CCNYL1: variants seen among roughly 807,000 people sequenced by gnomAD.
The protein encoded by CCNYL1 is cyclin-Y-like protein 1.
Under a neutral mutation model 44.2 loss-of-function variants are expected in CCNYL1, and 16 were observed. The observed-to-expected ratio is 0.36, with a 90% CI of 0.25 to 0.55. The LOEUF is 0.55. CCNYL1 is among the 20% of genes least tolerant of loss of function. The probability of loss-of-function intolerance (pLI) is 0.85; values close to 1 mark genes in which losing one functional copy is unlikely to be tolerated. For synonymous variants in CCNYL1, 159 were observed against 163.2 expected (o/e 0.97, Z 0.20); for missense variants, 348 against 451.8 (o/e 0.77, Z 2.08).
chr2:207,733,442 G>GAAGCCTCTGACT (rs2091743882), intron 3 of CCNYL1, among the ~76,000 whole-genome samples: 2 of 152,156 alleles, frequency 1.3e-5, no homozygotes, highest in South Asian at 4.1e-4. Flanking sequence ...CCTGGCAGAC[G>GAAGCCTCTGACT]AAGCCTCTGA....
chr2:207,736,005 G>A (rs1283326411), intron 4 of CCNYL1, among the ~76,000 whole-genome samples: 1 of 152,228 alleles, frequency 6.6e-6, no homozygotes, highest in African/African-American at 2.4e-5. Flanking sequence ...ATTGCAGTGT[G>A]CAGAAAGTTT....
chr2:207,733,893 CTT>C (rs999627849), intron 3 of CCNYL1, 52 bp from the exon 4 acceptor site: 1 of 1,171,496 alleles, frequency 8.5e-7, no homozygotes, highest in African/African-American at 1.5e-5. Flanking sequence ...AAAAACCACA[CTT>C]TTATAGGTTT....
At chr2:207,716,881 G>A (rs191894518) in intron 1 of CCNYL1, among the ~76,000 whole-genome samples, 2 of 152,074 alleles carry the variant, frequency 1.3e-5, no homozygotes, top group Non-Finnish European at 2.9e-5. Flanking sequence ...AGGCCGAGGC[G>A]GGTGGATCAC....
chr2:207,739,507 G>A (rs529543899), intron 5 of CCNYL1, among the ~76,000 whole-genome samples: 3 of 152,296 alleles, frequency 2.0e-5, no homozygotes, highest in Admixed American at 2.0e-4. Flanking sequence ...TGGGATTATA[G>A]GCATGAGCCA....
intron 7 of CCNYL1, among the ~76,000 whole-genome samples, chr2:207,745,577 A>G (rs1448619872): frequency 6.6e-6 from 1 of 152,258 alleles, no homozygotes; most frequent in African/African-American, 2.4e-5. Flanking sequence ...TTGAAAACAC[A>G]GTCCAGTTTG....
chr2:207,721,120 G>A (rs1221526951), intron 1 of CCNYL1, among the ~76,000 whole-genome samples: 2 of 152,110 alleles, frequency 1.3e-5, no homozygotes, highest in Non-Finnish European at 2.9e-5. Flanking sequence ...GTTATGGACC[G>A]TAAGACTAAT....
chr2:207,737,493 C>T (rs1378004931), intron 5 of CCNYL1, 47 bp downstream of exon 5: 1 of 1,484,010 alleles, frequency 6.7e-7, no homozygotes, highest in Admixed American at 1.7e-5. Context: ...AATTACTTTG[C>T]ATGATATCAA....
chr2:207,724,505 G>GT lies in CCNYL1; in HGVS notation c.221-293dup, dbSNP rs1170926819. On this transcript the variant is annotated intron_variant, in intron 1 of 9. Coordinates refer to ENST00000295414, the MANE Select transcript of CCNYL1 (RefSeq NM_001330218.2). ...GTGTGGTTATATTTCTATTTGATAA[G>GT]TTGAAGGAGGAGGACATGCGTATGA... Among the ~76,000 whole-genome samples, 7 of 152,338 alleles carry GT rather than the reference G, an allele frequency of 4.6e-5. No individual in the cohort carries two copies. The East Asian group carries it at 1.2e-3, about 25-fold the overall frequency.
chr2:207,720,237 C>T (rs375416048), intron 1 of CCNYL1, among the ~76,000 whole-genome samples: 69 of 144,182 alleles, frequency 4.8e-4, no homozygotes, highest in Non-Finnish European at 9.3e-4. Flanking sequence ...ATGTAAATTT[C>T]AGATATATGG....
chr2:207,722,416 T>C (rs1248034319), intron 1 of CCNYL1, among the ~76,000 whole-genome samples: 1 of 151,808 alleles, frequency 6.6e-6, no homozygotes, highest in Non-Finnish European at 1.5e-5. Context: ...CATCTTGGTT[T>C]TCTTATATTT....
chr2:207,724,887 T>G lies in CCNYL1; in HGVS notation c.295+13T>G. The G allele has an allele frequency of 1.3e-6, 2 of 1,591,430 alleles. No homozygotes were observed. Among genetic ancestry groups the G allele is most frequent in the South Asian group, 2.3e-5 (2 of 88,134 alleles). On this transcript the variant is annotated intron_variant, in intron 2 of 9. Transcript: ENST00000295414. Reference sequence around the variant, plus strand: ...TCTCAAACGGATGGTAAGACAATACTGTTTTTTCCTTCCAAGGAAAAGACT... The same window carrying G: ...TCTCAAACGGATGGTAAGACAATACGGTTTTTTCCTTCCAAGGAAAAGACT...
intron 4 of CCNYL1, 36 bp from the exon 5 acceptor site, chr2:207,737,375 T>G: frequency 6.6e-7 from 1 of 1,510,694 alleles, no homozygotes; most frequent in South Asian, 1.1e-5. Flanking sequence ...AATGTTTAAA[T>G]CAGTTGTTAA....
At chr2:207,740,630 T>C in intron 5 of CCNYL1, 25 bp from the exon 6 acceptor site, 1 of 1,489,356 alleles carries the variant, frequency 6.7e-7, no homozygotes, top group Non-Finnish European at 9.3e-7. Context: ...AATTAACTTC[T>C]TCAATGCATA....
intron 8 of CCNYL1, chr2:207,750,707 C>T (rs957945574): frequency 7.4e-5 from 28 of 376,708 alleles, no homozygotes; most frequent in African/African-American, 1.8e-4. Context: ...GAATGAGGCC[C>T]GAGTCAGCAG....
chr2:207,717,559 T>A (rs570440382), intron 1 of CCNYL1, among the ~76,000 whole-genome samples: 1 of 152,132 alleles, frequency 6.6e-6, no homozygotes, highest in Non-Finnish European at 1.5e-5. Context: ...TAAAATAGGG[T>A]CATGGATTGG....
At chr2:207,724,375 C>T (rs2091663988) in intron 1 of CCNYL1, among the ~76,000 whole-genome samples, 1 of 152,150 alleles carries the variant, frequency 6.6e-6, no homozygotes, top group Admixed American at 6.5e-5. Flanking sequence ...CTTTGTTTTA[C>T]CATATTTGAT....
Position 207,711,886 on chromosome 2 carries a change from G to A in CCNYL1, c.-11G>A, listed in dbSNP as rs909189771. ...AGCGAAGGCGGTGGCAGAGAGGAGC[G>A]GAGGCTTCCCATGGGGAACACGCTG... On this transcript the variant is annotated 5_prime_UTR_variant, in exon 1 of 10. Transcript: ENST00000295414. The A allele has an allele frequency of 1.4e-5, 19 of 1,371,372 alleles. No homozygotes were observed. The highest frequency in any genetic ancestry group is 1.8e-5 in the Non-Finnish European group (19 of 1,058,496). 85.0% of individuals were successfully genotyped at this position (1,371,372 alleles called of 1,614,324 possible).
chr2:207,714,071 TAAAG>T (rs967288807), intron 1 of CCNYL1, among the ~76,000 whole-genome samples: 4 of 152,056 alleles, frequency 2.6e-5, no homozygotes, highest in Admixed American at 1.3e-4. Context: ...AATGAAGAAA[TAAAG>T]AGTTAGGTAT....
intron 4 of CCNYL1, among the ~76,000 whole-genome samples, chr2:207,734,898 A>G (rs1177944307): frequency 6.6e-6 from 1 of 152,200 alleles, no homozygotes; most frequent in Non-Finnish European, 1.5e-5. Flanking sequence ...GTTTCAGCAC[A>G]AACTGGACTC....
Sources: allele counts gnomAD v4.1 joint callset (sites outside exome capture counted in the v4.1 genomes callset), GRCh38; gene constraint gnomAD v4.1.1; transcripts MANE v1.5; gene names NCBI Gene and HGNC (gene_info 2026-07-23, HGNC 2026-07-21).